The following EVL variants were observed in gnomAD, a reference collection of about 807,000 sequenced individuals.
EVL encodes the protein ena/VASP-like protein.
A neutral mutation model predicts 59.6 loss-of-function variants in EVL; 21 were observed. The observed-to-expected ratio is 0.35, with a 90% CI of 0.25 to 0.51. The LOEUF is 0.51. Among genes scored for constraint, EVL ranks in the 20% least tolerant of loss-of-function variants. EVL has a pLI of 0.97. For synonymous variants in EVL, 198 were observed against 203.5 expected (o/e 0.97, Z 0.23); for missense variants, 462 against 546.6 (o/e 0.85, Z 1.54).
At chr14:99,994,109 T>G (rs1422688744) in intron 1 of EVL, among the ~76,000 whole-genome samples, 3 of 146,322 alleles carry the variant, frequency 2.1e-5, no homozygotes, top group Non-Finnish European at 4.5e-5. Flanking sequence ...CCCAGCCTTT[T>G]GGCTTTTTTT....
chr14:99,975,640 C>T (rs1026738758), intron 1 of EVL, among the ~76,000 whole-genome samples: 4 of 152,160 alleles, frequency 2.6e-5, no homozygotes, highest in African/African-American at 4.8e-5. Context: ...ATCTGGATCC[C>T]TTGCGTGCAC....
chr14:99,996,623 G>A (rs2140181930), intron 1 of EVL, among the ~76,000 whole-genome samples: 1 of 152,146 alleles, frequency 6.6e-6, no homozygotes, highest in East Asian at 1.9e-4. Context: ...ATCTCCAAGA[G>A]GTAGGTATGA....
intron 3 of EVL, among the ~76,000 whole-genome samples, chr14:100,104,165 C>T (rs1886411420): frequency 6.6e-6 from 1 of 152,178 alleles, no homozygotes; most frequent in Admixed American, 6.5e-5. Flanking sequence ...GTGACCTTTT[C>T]AGGTGGCACT....
In EVL at chr14:99,993,685, CTTTTTT is replaced by C. The variant is rs532512303; in HGVS notation, c.5+21647_5+21652del. 6.4e-3 allele frequency among the ~76,000 whole-genome samples: 503 copies of C among 78,254 alleles called. 1 individual carries two copies. The highest frequency in any genetic ancestry group is 0.049 in the Middle Eastern group (5 of 102). 51.3% of individuals were successfully genotyped at this position (78,254 alleles called of 152,430 possible). Reference sequence around the variant, plus strand: ...GTCTTTTCAGATTGTTTCTTTCTTTCTTTTTTTTTTTTTTTTTTTTTTTTGACTTAG... The same window carrying C: ...GTCTTTTCAGATTGTTTCTTTCTTTCTTTTTTTTTTTTTTTTTTGACTTAG... On this transcript the variant is annotated intron_variant, in intron 1 of 13. Transcript: ENST00000402714.
intron 1 of EVL, among the ~76,000 whole-genome samples, chr14:100,010,091 A>G (rs2061006762): frequency 1.3e-5 from 2 of 152,184 alleles, no homozygotes; most frequent in South Asian, 4.1e-4. Flanking sequence ...TCTGGAAAGG[A>G]AGGAAGAAAA....
intron 3 of EVL, among the ~76,000 whole-genome samples, chr14:100,112,703 G>T (rs1049919283): frequency 6.6e-6 from 1 of 152,166 alleles, no homozygotes; most frequent in African/African-American, 2.4e-5. Context: ...CTTCTTCCGG[G>T]TGTCTGCTTA....
intron 5 of EVL, 83 bp from the exon 6 acceptor site, chr14:100,128,436 C>T: frequency 7.0e-7 from 1 of 1,432,520 alleles, no homozygotes; most frequent in South Asian, 1.1e-5. Flanking sequence ...CCTGTCCTTC[C>T]TCCGGGGAAC....
rs934192964 is a variant in EVL, at chr14:99,972,675, C to T, written c.5+618C>T. On this transcript the variant is annotated intron_variant, in intron 1 of 13. Transcript: ENST00000402714. This position sits in a 1 kb window ranked among gnomAD's most constrained non-coding sequence, Gnocchi z 4.4. ...CCGCTCGTTGATGTATCACCCAGCT[C>T]GGGAGCCTGCTGATTATCAGGCCAA... 3.3e-5 allele frequency among the ~76,000 whole-genome samples: 5 copies of T among 152,104 alleles called. No homozygotes were observed. In the East Asian group the frequency reaches 9.6e-4, roughly 29 times the overall value.
intron 1 of EVL, among the ~76,000 whole-genome samples, chr14:100,083,623 T>A (rs1211784341): frequency 6.6e-5 from 10 of 152,178 alleles, no homozygotes; most frequent in Admixed American, 6.5e-4. Context: ...ATTTTATCCT[T>A]TCAGGGGCTT....
chr14:100,061,040 T>G (rs1438430972), upstream of EVL, among the ~76,000 whole-genome samples: 1 of 151,024 alleles, frequency 6.6e-6, no homozygotes, highest in Non-Finnish European at 1.5e-5. Context: ...GACAAAGATG[T>G]TTTTCAGATA....
At chr14:100,135,424 C>G (rs1888717844) in intron 8 of EVL, 1 of 154,012 alleles carries the variant, frequency 6.5e-6, no homozygotes, top group South Asian at 2.0e-4. Context: ...GAAAAACCAT[C>G]CTGACGCACA....
intron 2 of EVL, among the ~76,000 whole-genome samples, chr14:100,094,345 C>T (rs1305869931): frequency 6.6e-6 from 1 of 152,118 alleles, no homozygotes; most frequent in Non-Finnish European, 1.5e-5. Flanking sequence ...CCCCTCAATT[C>T]TCATTTCCCC....
At chr14:100,120,359 G>A (rs896021396) in intron 3 of EVL, among the ~76,000 whole-genome samples, 2 of 152,242 alleles carry the variant, frequency 1.3e-5, no homozygotes, top group African/African-American at 2.4e-5. Context: ...CAGGCTATGA[G>A]CGTGGAGTGC....
intron 1 of EVL, among the ~76,000 whole-genome samples, chr14:100,032,074 G>A (rs569430667): frequency 6.6e-6 from 1 of 152,370 alleles, no homozygotes; most frequent in African/African-American, 2.4e-5. Flanking sequence ...CCTAAGAGAG[G>A]TGATAAAAGA....
intron 3 of EVL, among the ~76,000 whole-genome samples, chr14:100,112,184 T>C (rs1887039772): frequency 6.6e-6 from 1 of 152,166 alleles, no homozygotes; most frequent in African/African-American, 2.4e-5. Flanking sequence ...GGTAGATAAC[T>C]CCGGAGACTC....
chr14:99,987,662 C>G (rs2060848029), intron 1 of EVL, among the ~76,000 whole-genome samples: 2 of 151,998 alleles, frequency 1.3e-5, no homozygotes, highest in South Asian at 4.1e-4. Context: ...AACAAACAAA[C>G]AAATAAATAA....
At chr14:100,098,676 G>A (rs1031475438) in intron 3 of EVL, among the ~76,000 whole-genome samples, 1 of 152,180 alleles carries the variant, frequency 6.6e-6, no homozygotes, top group Non-Finnish European at 1.5e-5. Flanking sequence ...TGATTGACTG[G>A]GTTATGGTCC....
intron 3 of EVL, among the ~76,000 whole-genome samples, chr14:100,121,029 C>T (rs549093451): frequency 6.6e-6 from 1 of 152,314 alleles, no homozygotes; most frequent in East Asian, 1.9e-4. Flanking sequence ...AAGCTCAGCT[C>T]GGGCGACGAG....
chr14:100,109,789 C>A lies in EVL; in HGVS notation c.358+12131C>A. On this transcript the variant is annotated intron_variant, in intron 3 of 13. Transcript: ENST00000392920. This position sits in a 1 kb window ranked among gnomAD's most constrained non-coding sequence, Gnocchi z 4.3. ...AAACAGAGGAACACGCCTTCTCCAGCCACAGCCTATGGAAGGGCCTTCAGC... is the reference window on the plus strand; with the variant it reads ...AAACAGAGGAACACGCCTTCTCCAGACACAGCCTATGGAAGGGCCTTCAGC... 2.0e-6 allele frequency: 1 copy of A among 492,354 alleles called. No homozygotes were observed. Among genetic ancestry groups the A allele is most frequent in the Non-Finnish European group, 4.3e-6 (1 of 235,212 alleles). The allele number at this position is 492,354 out of a possible 1,614,324, so 30.5% of individuals were successfully genotyped here.
Sources: gnomAD v4.1 joint callset for allele counts (sites outside exome capture counted in the v4.1 genomes callset) on GRCh38, gnomAD v4.1.1 for gene constraint, Gnocchi (gnomAD v3.1) non-coding constraint, MANE v1.5 for transcripts, NCBI Gene and HGNC (gene_info 2026-07-23, HGNC 2026-07-21) for gene names.